The following PDZD2 variants were observed in gnomAD, a reference collection of about 807,000 sequenced individuals.
PDZD2 encodes the protein PDZ domain-containing protein 2.
PDZD2 carries 90 observed loss-of-function variants against 220.7 expected under a neutral mutation model. That is an observed-to-expected ratio of 0.41 (90% CI 0.34 to 0.49). PDZD2 has a LOEUF of 0.49. PDZD2 is among the 20% of genes least tolerant of loss of function. The pLI is 0.28. For synonymous variants in PDZD2, 1,375 were observed against 1,450.5 expected, an observed-to-expected ratio of 0.95 and a Z score of 1.18; for missense variants, 3,174 against 3,608.5, an observed-to-expected ratio of 0.88 and a Z score of 3.08.
chr5:32,082,390 A>G (rs547337240), intron 19 of PDZD2, among the ~76,000 whole-genome samples: 1 of 152,266 alleles, frequency 6.6e-6, no homozygotes, highest in Non-Finnish European at 1.5e-5. Flanking sequence ...ATACCTTATC[A>G]TTAAAAAAAA....
intron 2 of PDZD2, among the ~76,000 whole-genome samples, chr5:31,900,466 A>G (rs1339388137): frequency 2.0e-5 from 3 of 152,014 alleles, no homozygotes; most frequent in Admixed American, 1.3e-4. Flanking sequence ...GCCTGGAACA[A>G]GGATCAGCTC....
At chr5:31,697,727 C>T (rs58655935) in intron 1 of PDZD2, among the ~76,000 whole-genome samples, 21,279 of 152,082 alleles carry the variant, frequency 0.14, 1,590 homozygotes, top group East Asian at 0.24. Flanking sequence ...CTCCATGGTA[C>T]CAGGAGACCT....
chr5:32,033,553 T>C (rs1470141365), intron 6 of PDZD2, among the ~76,000 whole-genome samples: 1 of 152,122 alleles, frequency 6.6e-6, no homozygotes, highest in Non-Finnish European at 1.5e-5. Flanking sequence ...TTGCAACTCT[T>C]TGAGATATCT....
At chr5:31,874,810 A>C (rs1429989744) in intron 2 of PDZD2, among the ~76,000 whole-genome samples, 1 of 151,882 alleles carries the variant, frequency 6.6e-6, no homozygotes, top group African/African-American at 2.4e-5. Flanking sequence ...GCAAACATCT[A>C]TATGTCTGCC....
intron 1 of PDZD2, among the ~76,000 whole-genome samples, chr5:31,798,402 G>A (rs192112490): frequency 3.3e-5 from 5 of 152,136 alleles, no homozygotes; most frequent in East Asian, 3.9e-4. Context: ...GGTGTTGATC[G>A]GATCTTTCTT....
At chr5:31,644,147 G>C (rs549953541) in intron 1 of PDZD2, among the ~76,000 whole-genome samples, 6 of 152,274 alleles carry the variant, frequency 3.9e-5, no homozygotes, top group African/African-American at 1.2e-4. Flanking sequence ...TTAAAGTATA[G>C]AATTATCTGG....
chr5:31,811,209 C>T (rs1035792301), intron 2 of PDZD2, among the ~76,000 whole-genome samples: 1 of 152,140 alleles, frequency 6.6e-6, no homozygotes, highest in Non-Finnish European at 1.5e-5. Flanking sequence ...TGGTCTCGAA[C>T]TCTTGACCTC....
chr5:31,645,954 G>C (rs755868152), intron 1 of PDZD2, among the ~76,000 whole-genome samples: 1 of 151,970 alleles, frequency 6.6e-6, no homozygotes, highest in Non-Finnish European at 1.5e-5. Flanking sequence ...GGGGGAAGGG[G>C]GTGGGGAACT....
intron 2 of PDZD2, among the ~76,000 whole-genome samples, chr5:31,947,732 G>T (rs1335996458): frequency 6.6e-6 from 1 of 152,146 alleles, no homozygotes; most frequent in Non-Finnish European, 1.5e-5. Context: ...CTGGAAAATC[G>T]CTTAAACCTG....
intron 10 of PDZD2, among the ~76,000 whole-genome samples, chr5:32,054,568 G>A (rs1028710233): frequency 1.3e-5 from 2 of 151,574 alleles, no homozygotes; most frequent in African/African-American, 4.8e-5. Context: ...CAAGTGATTC[G>A]CCCACCTCAA....
At chr5:31,897,305 G>T (rs2150354415) in intron 2 of PDZD2, among the ~76,000 whole-genome samples, 1 of 152,276 alleles carries the variant, frequency 6.6e-6, no homozygotes, top group East Asian at 1.9e-4. Flanking sequence ...TTACCACAGT[G>T]TGAAAATTGT....
At chr5:31,964,025 T>C (rs1424271930) in intron 2 of PDZD2, among the ~76,000 whole-genome samples, 1 of 152,236 alleles carries the variant, frequency 6.6e-6, no homozygotes, top group Non-Finnish European at 1.5e-5. Context: ...TCTGACTCTC[T>C]GCCTGTTCAT....
At chr5:31,745,685 A>G (rs1750559052) in intron 1 of PDZD2, among the ~76,000 whole-genome samples, 1 of 151,974 alleles carries the variant, frequency 6.6e-6, no homozygotes, top group African/African-American at 2.4e-5. Context: ...GGAGGTGAAG[A>G]CTTCTTTGTA....
chr5:32,008,280 GTTTCTTTTTTTTTTTTT>G (rs1360974989), intron 5 of PDZD2, among the ~76,000 whole-genome samples: 1 of 133,524 alleles, frequency 7.5e-6, no homozygotes, highest in Non-Finnish European at 1.6e-5. Context: ...AATCTCTTTT[GTTTCTTTTTTTTTTTTT>G]TTTCTTTTTT....
intron 2 of PDZD2, among the ~76,000 whole-genome samples, chr5:31,977,149 C>T (rs904126202): frequency 2.6e-5 from 4 of 151,950 alleles, no homozygotes; most frequent in South Asian, 2.1e-4. Flanking sequence ...TCAGCCACAG[C>T]GTCTGGCCCC....
chr5:31,854,387 C>T (rs2150302484), intron 2 of PDZD2, among the ~76,000 whole-genome samples: 1 of 152,270 alleles, frequency 6.6e-6, no homozygotes, highest in Non-Finnish European at 1.5e-5. Flanking sequence ...ATGCTTCAGT[C>T]GTGCAGTCAC....
At chr5:31,874,327 G>C (rs913645427) in intron 2 of PDZD2, among the ~76,000 whole-genome samples, 5 of 152,150 alleles carry the variant, frequency 3.3e-5, no homozygotes, top group African/African-American at 1.2e-4. Context: ...TCACAGGTGA[G>C]ATCAGTAACC....
intron 1 of PDZD2, among the ~76,000 whole-genome samples, chr5:31,716,796 C>A (rs1330099412): frequency 6.6e-6 from 1 of 152,066 alleles, no homozygotes; most frequent in Non-Finnish European, 1.5e-5. Context: ...GAGGGTGACT[C>A]AGTCTCGGAA....
chr5:31,956,579 A>G (rs888090136), intron 2 of PDZD2, among the ~76,000 whole-genome samples: 11 of 147,504 alleles, frequency 7.5e-5, no homozygotes, highest in Non-Finnish European at 1.5e-4. Context: ...TAAATAAATA[A>G]ATATAAATAA....
Sources: allele counts gnomAD v4.1 joint callset (sites outside exome capture counted in the v4.1 genomes callset), GRCh38; gene constraint gnomAD v4.1.1; transcripts MANE v1.5; gene names NCBI Gene and HGNC (gene_info 2026-07-23, HGNC 2026-07-21).